MEMO1: variants seen among roughly 807,000 people sequenced by gnomAD.
MEMO1 encodes mediator of cell motility 1, also known as protein MEMO1.
In MEMO1, 6 loss-of-function variants were observed where a neutral mutation model predicts 45.2. That is an observed-to-expected ratio of 0.13 (90% confidence interval 0.07 to 0.26). The LOEUF is 0.26. Among genes scored for constraint, MEMO1 ranks in the 10% least tolerant of loss-of-function variants. The pLI, the probability that MEMO1 is intolerant of heterozygous loss-of-function variation, is 1.00. For missense variants in MEMO1, 184 were observed against 370.5 expected (o/e 0.50, Z 4.13); for synonymous variants, 78 against 124.3 (o/e 0.63, Z 2.48).
At chr2:31,872,747 C>T (rs1673968549) in intron 8 of MEMO1, among the ~76,000 whole-genome samples, 1 of 152,114 alleles carries the variant, frequency 6.6e-6, no homozygotes, top group South Asian at 2.1e-4. Context: ...GGGCTATAAA[C>T]TTAGTAGTGC....
intron 8 of MEMO1, among the ~76,000 whole-genome samples, chr2:31,878,360 G>A (rs1674867850): frequency 1.3e-5 from 2 of 152,154 alleles, no homozygotes; most frequent in African/African-American, 2.4e-5. Context: ...GAGATATGGG[G>A]CAGAAGAGTA....
At chr2:31,967,034 T>C (rs1668707192) in intron 2 of MEMO1, among the ~76,000 whole-genome samples, 1 of 152,146 alleles carries the variant, frequency 6.6e-6, no homozygotes, top group East Asian at 1.9e-4. Flanking sequence ...AACTGTTTTG[T>C]AGTTATTGAC....
intron 2 of MEMO1, among the ~76,000 whole-genome samples, chr2:31,992,596 C>T (rs1672081268): frequency 6.6e-6 from 1 of 152,166 alleles, no homozygotes; most frequent in African/African-American, 2.4e-5. Flanking sequence ...CCAGCCTGGC[C>T]AACATGGCAA....
chr2:31,917,699 T>A (rs1295323162), intron 6 of MEMO1, among the ~76,000 whole-genome samples: 1 of 151,984 alleles, frequency 6.6e-6, no homozygotes, highest in Non-Finnish European at 1.5e-5. Context: ...TACCCATGGG[T>A]TTTTTAATAC....
chr2:31,941,064 A>G (rs564590177), intron 3 of MEMO1, among the ~76,000 whole-genome samples: 16 of 152,206 alleles, frequency 1.1e-4, no homozygotes, highest in Non-Finnish European at 2.1e-4. Flanking sequence ...CCTAAGTCAG[A>G]TCATGTCATT....
chr2:31,987,378 C>T lies in MEMO1; in HGVS notation c.61+22809G>A, dbSNP rs149942833. 9.2e-5 allele frequency among the ~76,000 whole-genome samples: 14 copies of T among 152,106 alleles called. No individual in the cohort carries two copies. The East Asian group carries it at 2.7e-3, about 30-fold the overall frequency. Reference sequence around the variant, plus strand: ...CTAGGAAGGATAGGTAGGCATAGGCCATATCATGTGGGCTGAAATAAGAAG... The same window carrying T: ...CTAGGAAGGATAGGTAGGCATAGGCTATATCATGTGGGCTGAAATAAGAAG... On this transcript the variant is annotated intron_variant, in intron 2 of 9. Coordinates refer to ENST00000404530, the MANE Select transcript of MEMO1 (RefSeq NM_001301833.4).
rs902544272 is a variant in MEMO1, at chr2:31,884,279, T to C, written c.581-817A>G. On this transcript the variant is annotated intron_variant, in intron 7 of 9. Transcript: ENST00000404530. ...TTTCTTAACTAATTATGGGGAGTATTACTCAACTGACTGCAACGTATTTCA... is the reference window on the plus strand; with the variant it reads ...TTTCTTAACTAATTATGGGGAGTATCACTCAACTGACTGCAACGTATTTCA... Among the ~76,000 whole-genome samples, 5 of 152,172 alleles carry C rather than the reference T, an allele frequency of 3.3e-5. No homozygotes were observed. In the South Asian group the frequency reaches 8.3e-4, roughly 25 times the overall value.
intron 4 of MEMO1, among the ~76,000 whole-genome samples, chr2:31,927,569 T>G (rs1301799512): frequency 6.6e-6 from 1 of 151,938 alleles, no homozygotes. Context: ...AACATAGTTG[T>G]CTTTTATTAA....
intron 2 of MEMO1, among the ~76,000 whole-genome samples, chr2:31,969,226 T>G (rs921002471): frequency 6.6e-6 from 1 of 151,604 alleles, no homozygotes; most frequent in Admixed American, 6.6e-5. Context: ...AGTCTCATGT[T>G]AGACTTACTG....
At chr2:32,007,236 G>A (rs936146977) in intron 2 of MEMO1, among the ~76,000 whole-genome samples, 1 of 152,118 alleles carries the variant, frequency 6.6e-6, no homozygotes, top group African/African-American at 2.4e-5. Context: ...CTCTGTATCT[G>A]TGTGGGGTTT....
chr2:31,923,870 G>C, intron 4 of MEMO1: 1 of 1,110,536 alleles, frequency 9.0e-7, no homozygotes, highest in Non-Finnish European at 1.2e-6. Flanking sequence ...ATAAACACCA[G>C]AGGTCTGCTG....
intron 8 of MEMO1, among the ~76,000 whole-genome samples, chr2:31,876,959 C>T (rs1043619846): frequency 6.6e-6 from 1 of 152,232 alleles, no homozygotes; most frequent in South Asian, 2.1e-4. Flanking sequence ...GTTATCTCTT[C>T]CAGCCTCCTT....
intron 7 of MEMO1, among the ~76,000 whole-genome samples, chr2:31,890,960 C>A (rs370678042): frequency 1.8e-4 from 28 of 152,268 alleles, no homozygotes; most frequent in African/African-American, 6.7e-4. Flanking sequence ...AAAGATAGTT[C>A]TCTTGAACTG....
At chr2:31,920,165 C>A (rs1216693049) in intron 5 of MEMO1, among the ~76,000 whole-genome samples, 1 of 140,216 alleles carries the variant, frequency 7.1e-6, no homozygotes. Context: ...AAAATTACTC[C>A]CCCCCCCAAA....
rs70964738 is a variant in MEMO1, at chr2:31,901,374, C to CAAAAA, written c.438-9245_438-9241dup. On this transcript the variant is annotated intron_variant, in intron 6 of 9. Transcript: ENST00000404530. ...AGCGAAAGAGTGAGACTCTGTCTCA[C>CAAAAA]AAAAAAAAAAAAAAAAAAAAAAAAA... Among the ~76,000 whole-genome samples, 11 of 22,692 alleles carry CAAAAA rather than the reference C, an allele frequency of 4.8e-4. No individual in the cohort carries two copies. In the East Asian group the frequency reaches 8.9e-3, roughly 18 times the overall value. 14.9% of individuals were successfully genotyped at this position (22,692 alleles called of 152,430 possible).
At chr2:31,885,314 T>G (rs975997953) in intron 7 of MEMO1, among the ~76,000 whole-genome samples, 2 of 152,072 alleles carry the variant, frequency 1.3e-5, no homozygotes, top group Non-Finnish European at 2.9e-5. Flanking sequence ...AAGATGGGGT[T>G]TCACCATGTT....
At chr2:32,009,706 G>A (rs1193845209) in intron 2 of MEMO1, among the ~76,000 whole-genome samples, 1 of 152,188 alleles carries the variant, frequency 6.6e-6, no homozygotes, top group Admixed American at 6.5e-5. Context: ...AGACGGGAGA[G>A]GAAAGGAAAG....
chr2:31,886,777 A>G (rs1225238091), intron 7 of MEMO1, among the ~76,000 whole-genome samples: 1 of 152,192 alleles, frequency 6.6e-6, no homozygotes, highest in African/African-American at 2.4e-5. Context: ...TAGTAAGAGA[A>G]AATTACTTAC....
chr2:31,970,230 A>T (rs1012447199), intron 2 of MEMO1, among the ~76,000 whole-genome samples: 1 of 152,108 alleles, frequency 6.6e-6, no homozygotes, highest in Non-Finnish European at 1.5e-5. Context: ...TCGGCCTCCC[A>T]AAGTGCTGAG....
Sources: allele counts gnomAD v4.1 joint callset (sites outside exome capture counted in the v4.1 genomes callset), GRCh38; gene constraint gnomAD v4.1.1; transcripts MANE v1.5; gene names NCBI Gene and HGNC (gene_info 2026-07-23, HGNC 2026-07-21).